DAB1: variants seen among roughly 807,000 people sequenced by gnomAD.
DAB1 encodes the protein disabled homolog 1.
In DAB1, 15 loss-of-function variants were observed where a neutral mutation model predicts 64.6. The ratio of observed to expected loss-of-function variants is 0.23; its 90% CI spans 0.16 to 0.36. The LOEUF (loss-of-function observed/expected upper bound fraction) is 0.36. DAB1 is among the 10% of genes least tolerant of loss of function. The pLI, the probability that DAB1 is intolerant of heterozygous loss-of-function variation, is 1.00. For missense variants in DAB1, 596 were observed against 706.7 expected (o/e 0.84, Z 1.78); for synonymous variants, 235 against 251.9 (o/e 0.93, Z 0.64).
intron 2 of DAB1, among the ~76,000 whole-genome samples, chr1:57,224,942 C>T (rs1667150415): frequency 6.6e-6 from 1 of 152,130 alleles, no homozygotes; most frequent in Admixed American, 6.5e-5. Flanking sequence ...TACATTAAAA[C>T]AAAAACAAAC....
At chr1:58,382,569 A>C (rs1644398862) in intron 3 of DAB1, among the ~76,000 whole-genome samples, 1 of 152,190 alleles carries the variant, frequency 6.6e-6, no homozygotes, top group Admixed American at 6.6e-5. Context: ...GCTATGGCAG[A>C]AAGTACGGGA....
At chr1:58,381,790 G>A (rs1644391981) in intron 3 of DAB1, among the ~76,000 whole-genome samples, 1 of 152,156 alleles carries the variant, frequency 6.6e-6, no homozygotes, top group African/African-American at 2.4e-5. Context: ...ATGCTAAGTG[G>A]GCAGTTGGAC....
At chr1:57,801,745 C>A (rs377112522) in intron 6 of DAB1, among the ~76,000 whole-genome samples, 20 of 152,196 alleles carry the variant, frequency 1.3e-4, no homozygotes, top group African/African-American at 4.8e-4. Flanking sequence ...GCAGCCTCGA[C>A]TTCCTGGGTT....
At chr1:57,146,506 C>T (rs1659151108) in intron 2 of DAB1, among the ~76,000 whole-genome samples, 1 of 152,080 alleles carries the variant, frequency 6.6e-6, no homozygotes, top group African/African-American at 2.4e-5. Flanking sequence ...ATAATTCAGC[C>T]TGTTTCCCTC....
At chr1:58,524,747 GA>G (rs1305021545) in intron 2 of DAB1, among the ~76,000 whole-genome samples, 2 of 152,128 alleles carry the variant, frequency 1.3e-5, no homozygotes, top group Non-Finnish European at 2.9e-5. Flanking sequence ...TACTTCCTGG[GA>G]ACATTTCCAG....
chr1:58,128,084 C>T (rs1456554454), intron 5 of DAB1, among the ~76,000 whole-genome samples: 1 of 151,546 alleles, frequency 6.6e-6, no homozygotes, highest in Non-Finnish European at 1.5e-5. Context: ...ATTCTTCCTA[C>T]CCATGAGCAT....
intron 3 of DAB1, among the ~76,000 whole-genome samples, chr1:58,424,581 G>A (rs574065192): frequency 6.6e-6 from 1 of 152,098 alleles, no homozygotes; most frequent in Non-Finnish European, 1.5e-5. Flanking sequence ...AATATCTTTC[G>A]AGGAAAACCT....
At chr1:58,353,317 T>C (rs1644077293) in intron 3 of DAB1, among the ~76,000 whole-genome samples, 1 of 152,196 alleles carries the variant, frequency 6.6e-6, no homozygotes, top group Non-Finnish European at 1.5e-5. Flanking sequence ...TTGATTTCAT[T>C]CCAGCCAAAC....
chr1:57,015,425 A>T lies in DAB1; in HGVS notation c.902T>A (p.Val301Asp), dbSNP rs1175218960. 6.2e-7 allele frequency: 1 copy of T among 1,605,456 alleles called. No homozygotes were observed. The highest frequency in any genetic ancestry group is 8.5e-7 in the Non-Finnish European group (1 of 1,175,408). ...FGTAAVPSGY[V>D]AMGAVLPSFW... ...GGACGGGAGGACAGCGCCCATTGCA[A>T]CGTAACCTGGGAGAATGAAAAAGGA... Residue 301 changes from valine to aspartate, a missense_variant, in exon 12 of 15, where the codon GTT becomes GAT. Physicochemically the swap from Val to Asp is radical, Grantham distance 152. Transcript: ENST00000371236.
At chr1:57,999,172 G>C (rs1646470783) in intron 5 of DAB1, among the ~76,000 whole-genome samples, 1 of 152,162 alleles carries the variant, frequency 6.6e-6, no homozygotes. Context: ...TCATGGGCCA[G>C]GGTCCTATGC....
In DAB1 at chr1:57,491,192, G is replaced by T. The variant is rs1455640564; in HGVS notation, n.625+158400C>A. Reference sequence around the variant, plus strand: ...GCCTGTAATCCCAGCACTTTGGGAGGCTGAGGCGGGTGGATCATGAGTTCA... The same window carrying T: ...GCCTGTAATCCCAGCACTTTGGGAGTCTGAGGCGGGTGGATCATGAGTTCA... On this transcript the variant is annotated intron_variant and non_coding_transcript_variant, in intron 7 of 20. Coordinates refer to the DAB1 transcript ENST00000485760. Among the ~76,000 whole-genome samples the T allele has an allele frequency of 3.3e-5, 5 of 152,318 alleles. No individual in the cohort carries two copies. In the East Asian group the frequency reaches 9.7e-4, roughly 29 times the overall value.
At chr1:58,219,960 G>T (rs17117133) in intron 4 of DAB1, among the ~76,000 whole-genome samples, 2,781 of 152,274 alleles carry the variant, frequency 0.018, 121 homozygotes, top group South Asian at 0.1. Flanking sequence ...TTGAATGAAG[G>T]CATAAATGAT....
chr1:58,451,069 A>G (rs1476982507), intron 3 of DAB1, among the ~76,000 whole-genome samples: 1 of 152,182 alleles, frequency 6.6e-6, no homozygotes, highest in Non-Finnish European at 1.5e-5. Context: ...ATAACTTTCT[A>G]ATTTTTTAAA....
intron 3 of DAB1, among the ~76,000 whole-genome samples, chr1:58,406,714 C>G (rs997115434): frequency 4.9e-5 from 4 of 82,352 alleles, no homozygotes; most frequent in African/African-American, 1.9e-4. Context: ...TATCATCCCC[C>G]CCCCCCAACT....
intron 1 of DAB1, among the ~76,000 whole-genome samples, chr1:57,316,202 G>A (rs1038813432): frequency 6.6e-6 from 1 of 152,202 alleles, no homozygotes; most frequent in Non-Finnish European, 1.5e-5. Flanking sequence ...GAGAAAACAG[G>A]TGAGGCATTT....
intron 5 of DAB1, among the ~76,000 whole-genome samples, chr1:57,927,178 T>G (rs966524531): frequency 1.3e-5 from 2 of 152,222 alleles, no homozygotes; most frequent in African/African-American, 4.8e-5. Flanking sequence ...GTTTCCTTCT[T>G]GTACACAAAG....
intron 7 of DAB1, among the ~76,000 whole-genome samples, chr1:57,460,235 C>G (rs1247493194): frequency 1.3e-5 from 2 of 152,164 alleles, no homozygotes; most frequent in Non-Finnish European, 2.9e-5. Context: ...GAATTTCAGC[C>G]CTCATTCGTC....
At chr1:57,644,322 G>A (rs1646166659) in intron 7 of DAB1, among the ~76,000 whole-genome samples, 1 of 152,158 alleles carries the variant, frequency 6.6e-6, no homozygotes, top group Non-Finnish European at 1.5e-5. Flanking sequence ...GAGAAAGTAG[G>A]CTATATCAGG....
intron 9 of DAB1, among the ~76,000 whole-genome samples, chr1:57,043,566 G>A (rs961540859): frequency 5.9e-5 from 9 of 152,194 alleles, no homozygotes; most frequent in African/African-American, 2.2e-4. Context: ...ATCAGATGAG[G>A]CCGGGCGCGG....
Sources: allele counts gnomAD v4.1 joint callset (sites outside exome capture counted in the v4.1 genomes callset), GRCh38; gene constraint gnomAD v4.1.1; transcripts MANE v1.5; gene names NCBI Gene and HGNC (gene_info 2026-07-23, HGNC 2026-07-21).